BCORL1: variants seen among roughly 807,000 people sequenced by gnomAD.
BCORL1 encodes BCL6 corepressor like 1.
BCORL1 carries 7 observed loss-of-function variants against 87.6 expected under a neutral mutation model. The ratio of observed to expected loss-of-function variants is 0.08; its 90% CI spans 0.05 to 0.15. The LOEUF (loss-of-function observed/expected upper bound fraction) is 0.15, where lower values mean the gene tolerates loss of function less well. Ranked by LOEUF, BCORL1 falls within the 10% of genes least tolerant of loss-of-function variation. BCORL1 has a pLI of 1.00. For synonymous variants in BCORL1, 591 were observed against 634.4 expected (o/e 0.93, Z 1.03); for missense variants, 1,215 against 1,499.7 (o/e 0.81, Z 3.13).
At chrX:129,987,219 G>T (rs769812784) in intron 1 of BCORL1, among the ~76,000 whole-genome samples, 1 of 111,982 alleles carries the variant, frequency 8.9e-6, no homozygotes, top group South Asian at 3.7e-4. Context: ...GGTAAAAGTA[G>T]GGTGGGGGAG....
At chrX:129,980,408 GC>G (rs750591257), upstream of BCORL1, among the ~76,000 whole-genome samples, 41 of 113,126 alleles carry the variant, frequency 3.6e-4, no homozygotes, top group South Asian at 0.013. Flanking sequence ...GCGCCGTGAG[GC>G]GGGGGTGGTG....
chrX:130,004,395 C>G (rs1222950062), intron 1 of BCORL1, among the ~76,000 whole-genome samples: 1 of 109,811 alleles, frequency 9.1e-6, no homozygotes, highest in East Asian at 2.8e-4. Context: ...CAGGTGCACA[C>G]CACCACCCCA....
chrX:129,985,418 TGTG>T (rs760665130), intron 1 of BCORL1, among the ~76,000 whole-genome samples: 1 of 111,762 alleles, frequency 8.9e-6, no homozygotes, highest in Admixed American at 9.5e-5. Context: ...GATGTCACCA[TGTG>T]GTACTAAAGA....
rs1375559977 is a variant in BCORL1 at position 130,015,741 on chromosome X, A to G, written c.2969A>G (p.Tyr990Cys). The change falls in exon 4 of 14, where the codon TAC becomes TGC. Residue 990 changes from tyrosine (Y) to cysteine (C), a missense_variant. This residue lies in a region of BCORL1 where 861 missense variants were observed against 1,010.0 expected (regional missense o/e 0.85). Transcript: ENST00000540052. ...CCTAAGAACCAAGTGCTGGCCACCTACATGTCCCATGAGCTGGTCCTGGCC... is the reference window on the plus strand; with the variant it reads ...CCTAAGAACCAAGTGCTGGCCACCTGCATGTCCCATGAGCTGGTCCTGGCC... The part of the protein sequence containing the change: ...TKPKNQVLAT[Y>C]MSHELVLATP... 2 of 1,211,851 alleles carry G rather than the reference A, an allele frequency of 1.7e-6. No individual in the cohort carries two copies. Among genetic ancestry groups the G allele is most frequent in the Non-Finnish European group, 2.2e-6 (2 of 895,520 alleles).
intron 1 of BCORL1, among the ~76,000 whole-genome samples, chrX:130,001,636 C>T (rs942083343): frequency 9.1e-6 from 1 of 110,303 alleles, no homozygotes; most frequent in African/African-American, 3.3e-5. Context: ...GCAGGAGAGG[C>T]CATTTCAGGG....
chrX:130,048,486 C>T (rs910281063), intron 11 of BCORL1, among the ~76,000 whole-genome samples: 1 of 111,652 alleles, frequency 9.0e-6, no homozygotes, highest in Admixed American at 9.5e-5. Flanking sequence ...TTGGATTTGT[C>T]GTGAAAGCCA....
chrX:130,056,092 C>T lies in BCORL1; in HGVS notation c.5314C>T (p.Arg1772Trp), dbSNP rs750643826. ...GGTGCGGTACGAGCCAGACCTACTT[C>T]GGCTCCTAGGGTCCGAGGTGGAATT... is the stretch of plus-strand genomic sequence containing the variant. ...ELVRYEPDLLRLLGSEVEFQS... is the reference protein window; with the variant it reads ...ELVRYEPDLLWLLGSEVEFQS... The change falls in exon 14 of 14, where the codon CGG becomes TGG. Residue 1772 changes from arginine to tryptophan, a missense_variant. Coordinates refer to ENST00000540052, the MANE Select transcript of BCORL1 (RefSeq NM_001379451.1). The T allele has an allele frequency of 3.3e-6, 4 of 1,194,416 alleles. No homozygotes were observed. The highest frequency in any genetic ancestry group is 2.3e-5 in the Admixed American group (1 of 44,197).
chrX:130,036,701 C>T (rs1284595214), intron 9 of BCORL1, among the ~76,000 whole-genome samples: 1 of 112,592 alleles, frequency 8.9e-6, no homozygotes, highest in East Asian at 2.8e-4. Context: ...AGGCTGTGCT[C>T]TCCACCACAT....
intron 13 of BCORL1, among the ~76,000 whole-genome samples, chrX:130,054,962 G>C (rs1460350677): frequency 1.8e-5 from 2 of 111,568 alleles, no homozygotes; most frequent in Non-Finnish European, 1.9e-5. Context: ...AGGGTGGGTG[G>C]GGGTGCAGAA....
At chrX:130,023,226 G>A (rs912173756) in intron 6 of BCORL1, among the ~76,000 whole-genome samples, 6 of 111,905 alleles carry the variant, frequency 5.4e-5, no homozygotes, top group Non-Finnish European at 9.4e-5. Context: ...GACATCTCTT[G>A]TTGGGAGCTG....
At chrX:129,984,873 C>A (rs1239352389) in intron 1 of BCORL1, among the ~76,000 whole-genome samples, 1 of 111,616 alleles carries the variant, frequency 9.0e-6, no homozygotes, top group Non-Finnish European at 1.9e-5. Flanking sequence ...CTGATCGAAA[C>A]TGTCGATGGG....
chrX:129,989,859 C>T (rs1417640925), intron 1 of BCORL1, among the ~76,000 whole-genome samples: 1 of 110,053 alleles, frequency 9.1e-6, no homozygotes, highest in African/African-American at 3.3e-5. Flanking sequence ...TATCTTGGCT[C>T]ACTGCAACCT....
chrX:129,998,370 G>A (rs1927730178), intron 1 of BCORL1, among the ~76,000 whole-genome samples: 1 of 109,712 alleles, frequency 9.1e-6, no homozygotes, highest in African/African-American at 3.3e-5. Flanking sequence ...GGTGGTGGGG[G>A]GAGGTGGGAA....
chrX:130,023,001 C>T (rs375018711), intron 6 of BCORL1, 24 bp downstream of exon 6: 187 of 1,133,627 alleles, frequency 1.6e-4, no homozygotes, highest in South Asian at 3.6e-5. Context: ...AGGTGATGGC[C>T]CCTCTCAGCA....
chrX:130,043,766 ATATATATATATATATATATTTTTTT>A (rs1371524766), intron 11 of BCORL1, among the ~76,000 whole-genome samples: 5 of 16,632 alleles, frequency 3.0e-4, no homozygotes, highest in African/African-American at 2.4e-3. Context: ...ATATATATAT[ATATATATATATATATATATTTTTTT>A]TTTTTTTTTT....
chrX:130,037,005 G>A (rs1026663527), intron 9 of BCORL1, among the ~76,000 whole-genome samples: 6 of 111,770 alleles, frequency 5.4e-5, no homozygotes, highest in African/African-American at 2.0e-4. Context: ...AATTAGCCAG[G>A]CGTGGTGGCG....
In BCORL1 at chrX:130,016,031, G is replaced by A. The variant is rs144120338; in HGVS notation, c.3259G>A (p.Gly1087Arg). ...RGQAEVRAKA[G>R]QARVKQESVG... ...CCAAGCTGAAGTTCGGGCTAAGGCC[G>A]GGCAGGCTCGAGTGAAACAGGAAAG... Residue 1087 changes from glycine to arginine, a missense_variant, in exon 4 of 14, where the codon GGG becomes AGG. Transcript: ENST00000540052. 99 of 1,209,933 alleles carry A rather than the reference G, an allele frequency of 8.2e-5. No individual in the cohort carries two copies. The African/African-American group carries it at 1.1e-3, about 14-fold the overall frequency.
intron 8 of BCORL1, among the ~76,000 whole-genome samples, chrX:130,030,371 C>T (rs1003667723): frequency 1.8e-5 from 2 of 111,598 alleles, no homozygotes; most frequent in Admixed American, 9.5e-5. Context: ...AGTTCATTCA[C>T]GTTATCGCTC....
chrX:130,004,050 C>G (rs1318923109), intron 1 of BCORL1, among the ~76,000 whole-genome samples: 2 of 111,411 alleles, frequency 1.8e-5, no homozygotes, highest in Non-Finnish European at 3.8e-5. Flanking sequence ...AGCTAATAAG[C>G]TAACTCAAGA....
Sources: gnomAD v4.1 joint callset for allele counts (sites outside exome capture counted in the v4.1 genomes callset) on GRCh38, gnomAD v4.1.1 for gene constraint, gnomAD v4.1.1 regional missense constraint, MANE v1.5 for transcripts, NCBI Gene and HGNC (gene_info 2026-07-23, HGNC 2026-07-21) for gene names.